The following TBC1D16 variants were observed in gnomAD, a reference collection of about 807,000 sequenced individuals.
TBC1D16 encodes TBC1 domain family member 16.
A neutral mutation model predicts 74.7 loss-of-function variants in TBC1D16; 58 were observed. That is an observed-to-expected ratio of 0.78 (90% confidence interval 0.63 to 0.97). The LOEUF is 0.97. Among genes scored for constraint, TBC1D16 ranks in the 50% least tolerant of loss-of-function variants. The pLI is 0.00. For synonymous variants in TBC1D16, 493 were observed against 474.7 expected (o/e 1.04, Z -0.50); for missense variants, 1,014 against 1,079.5 (o/e 0.94, Z 0.85).
intron 10 of TBC1D16, chr17:79,943,719 G>A (rs1191771023): frequency 6.4e-6 from 5 of 781,802 alleles, no homozygotes; most frequent in African/African-American, 5.6e-5. Flanking sequence ...TGGGCCTCCC[G>A]CTGGAATTCT....
Position 79,983,679 on chromosome 17 carries a change from TG to T in TBC1D16, c.779+26480del, listed in dbSNP as rs2034689084. Among the ~76,000 whole-genome samples the T allele has an allele frequency of 6.6e-6, 1 of 152,144 alleles. No individual in the cohort carries two copies. Among genetic ancestry groups the T allele is most frequent in the South Asian group, 2.1e-4 (1 of 4,830 alleles). ...GTGCCGCCCACGGCATTCCGGAAGGTGGTTCCTTCTGGAGACCGGGGCACGG... is the reference window on the plus strand; with the variant it reads ...GTGCCGCCCACGGCATTCCGGAAGGTGTTCCTTCTGGAGACCGGGGCACGG... On this transcript the variant is annotated intron_variant, in intron 3 of 11. Coordinates refer to ENST00000310924, the MANE Select transcript of TBC1D16 (RefSeq NM_019020.4). This position sits in a 1 kb window ranked among gnomAD's most constrained non-coding sequence, Gnocchi z 5.6.
Position 79,941,425 on chromosome 17 carries a change from C to T in TBC1D16, c.2056-318G>A, listed in dbSNP as rs1021483910. ...CCAACACCAGCACAGGGCCGGGTGG[C>T]GTCCAGCCAAGCCCACCTGTCCCTT... is the stretch of plus-strand genomic sequence containing the variant. On this transcript the variant is annotated intron_variant, in intron 11 of 11. Coordinates refer to ENST00000310924, the MANE Select transcript of TBC1D16 (RefSeq NM_019020.4). The surrounding 1 kb of genome is among the most constrained non-coding windows in gnomAD (Gnocchi z 4.3). Among the ~76,000 whole-genome samples the T allele has an allele frequency of 1.3e-5, 2 of 152,160 alleles. No individual in the cohort carries two copies. Among genetic ancestry groups the T allele is most frequent in the Non-Finnish European group, 2.9e-5 (2 of 68,028 alleles).
intron 3 of TBC1D16, among the ~76,000 whole-genome samples, chr17:80,002,529 C>A: frequency 6.6e-6 from 1 of 152,168 alleles, no homozygotes; most frequent in East Asian, 1.9e-4. Flanking sequence ...ACAGGGGCCA[C>A]CCTGAGGGAG....
chr17:79,950,830 C>T lies in TBC1D16; in HGVS notation c.1090-252G>A, dbSNP rs532126831. On this transcript the variant is annotated intron_variant, in intron 5 of 11. Transcript: ENST00000310924. This position sits in a 1 kb window ranked among gnomAD's most constrained non-coding sequence, Gnocchi z 4.6. ...CTGTGCCGCCGCCCCCCACTCTCTC[C>T]AACCCCAGCCGCAAAAACGGAATGA... is the stretch of plus-strand genomic sequence containing the variant. 1.0e-4 allele frequency: 153 copies of T among 1,529,968 alleles called. No individual in the cohort carries two copies. In the African/African-American group the frequency reaches 1.8e-3, roughly 18 times the overall value. The allele number at this position is 1,529,968 out of a possible 1,614,324, so 94.8% of individuals were successfully genotyped here. A position where few individuals can be genotyped will look rare whatever the true frequency, so the allele number is the denominator to read the frequency against.
intron 1 of TBC1D16, among the ~76,000 whole-genome samples, chr17:80,021,546 T>C (rs1180109287): frequency 6.7e-6 from 1 of 149,778 alleles, no homozygotes; most frequent in Non-Finnish European, 1.5e-5. Flanking sequence ...TTATTTTTAA[T>C]ACAGAGATTA....
intron 3 of TBC1D16, among the ~76,000 whole-genome samples, chr17:79,968,085 T>G (rs1275370955): frequency 1.3e-5 from 2 of 151,676 alleles, no homozygotes; most frequent in Non-Finnish European, 2.9e-5. Context: ...CTCCGCCTCC[T>G]GAGTTCAAGG....
intron 10 of TBC1D16, among the ~76,000 whole-genome samples, chr17:79,942,915 G>T (rs2032154567): frequency 6.6e-6 from 1 of 152,250 alleles, no homozygotes; most frequent in African/African-American, 2.4e-5. Context: ...GCAACGCGCT[G>T]TGTGCAGCAG....
Position 79,998,815 on chromosome 17 carries a change from G to A in TBC1D16, c.779+11345C>T, listed in dbSNP as rs371048690. 2.0e-3 allele frequency among the ~76,000 whole-genome samples: 297 copies of A among 152,244 alleles called. 11 individuals carry two copies. The South Asian group carries it at 0.055, about 28-fold the overall frequency. ...TATCCTGACTGCTTCCACCGCGCCC[G>A]TATGAATGAAGTGGTTACAAACACC... On this transcript the variant is annotated intron_variant, in intron 3 of 11. Coordinates refer to ENST00000310924, the MANE Select transcript of TBC1D16 (RefSeq NM_019020.4).
chr17:80,003,321 C>A (rs1349210974), intron 3 of TBC1D16, among the ~76,000 whole-genome samples: 1 of 152,222 alleles, frequency 6.6e-6, no homozygotes, highest in African/African-American at 2.4e-5. Flanking sequence ...ACCATCTTGC[C>A]TAGGCTGGCC....
chr17:80,024,832 C>T (rs62647779), intron 1 of TBC1D16, among the ~76,000 whole-genome samples: 145,031 of 147,362 alleles, frequency 0.98, 71,485 homozygotes, highest in Middle Eastern at 0.99. Context: ...ACACGCACTA[C>T]ATACACACCG....
At chr17:80,025,128 C>CACAA (rs1291091484) in intron 1 of TBC1D16, among the ~76,000 whole-genome samples, 5 of 76,282 alleles carry the variant, frequency 6.6e-5, no homozygotes, top group Non-Finnish European at 1.3e-4. Flanking sequence ...CAGACACACA[C>CACAA]ACACCATAGG....
chr17:80,011,165 C>T (rs1437533303), intron 2 of TBC1D16, among the ~76,000 whole-genome samples: 3 of 151,800 alleles, frequency 2.0e-5, no homozygotes, highest in Admixed American at 2.0e-4. Context: ...CCTCAGCTCC[C>T]GAGTAGCTGG....
rs185484199 is a variant in TBC1D16, at chr17:79,979,267, C to T, written c.780-26449G>A. On this transcript the variant is annotated intron_variant, in intron 3 of 11. Coordinates refer to ENST00000310924, the MANE Select transcript of TBC1D16 (RefSeq NM_019020.4). The surrounding 1 kb of genome is among the most constrained non-coding windows in gnomAD (Gnocchi z 4.8). ...CACACACGCTCCGGGGATGCACACC[C>T]ACGCCCAGAGCACACGCGCTCCGGG... Among the ~76,000 whole-genome samples, 246 of 151,184 alleles carry T rather than the reference C, an allele frequency of 1.6e-3. 2 individuals carry two copies. The highest frequency in any genetic ancestry group is 0.01 in the Middle Eastern group (3 of 292).
intron 3 of TBC1D16, among the ~76,000 whole-genome samples, chr17:79,964,634 C>T (rs190991147): frequency 2.0e-5 from 3 of 152,214 alleles, no homozygotes; most frequent in Admixed American, 6.5e-5. Context: ...ACTTTAAACA[C>T]GTGCAGTTGA....
At chr17:80,023,642 G>C (rs1442009386) in intron 1 of TBC1D16, among the ~76,000 whole-genome samples, 1 of 144,444 alleles carries the variant, frequency 6.9e-6, no homozygotes, top group Non-Finnish European at 1.5e-5. Flanking sequence ...GGCCAGGAGC[G>C]AGAACTGCTG....
intron 3 of TBC1D16, among the ~76,000 whole-genome samples, chr17:79,984,872 C>T (rs958334115): frequency 6.6e-6 from 1 of 152,022 alleles, no homozygotes; most frequent in Non-Finnish European, 1.5e-5. Flanking sequence ...GGTCCTAAGG[C>T]CTCCCTCTGG....
Position 80,009,300 on chromosome 17 carries a change from G to T in TBC1D16, c.779+860C>A, listed in dbSNP as rs1452171360. ...AATGAGCGTAAGGACCACAGCCGGG[G>T]CATAGGAAGGGGCTGTGGAAGTCGG... On this transcript the variant is annotated intron_variant, in intron 3 of 11. Transcript: ENST00000310924. The surrounding 1 kb of genome is among the most constrained non-coding windows in gnomAD (Gnocchi z 5.4). 1.3e-5 allele frequency among the ~76,000 whole-genome samples: 2 copies of T among 152,230 alleles called. No homozygotes were observed. The highest frequency in any genetic ancestry group is 2.9e-5 in the Non-Finnish European group (2 of 68,030).
chr17:79,981,393 G>A lies in TBC1D16; in HGVS notation c.780-28575C>T, dbSNP rs778145630. On this transcript the variant is annotated intron_variant, in intron 3 of 11. Transcript: ENST00000310924. This position sits in a 1 kb window ranked among gnomAD's most constrained non-coding sequence, Gnocchi z 6.9. ...CGGGCCCTGCTGGGAGAAGGCCTCG[G>A]GCCTCCACCTCCAGCAATCCTCTAA... Among the ~76,000 whole-genome samples the A allele has an allele frequency of 1.3e-5, 2 of 152,156 alleles. No homozygotes were observed. Among genetic ancestry groups the A allele is most frequent in the South Asian group, 2.1e-4 (1 of 4,826 alleles).
rs2035464378 is a variant in TBC1D16, at chr17:80,001,002, C to A, written c.779+9158G>T. Among the ~76,000 whole-genome samples the A allele has an allele frequency of 6.6e-6, 1 of 152,244 alleles. No homozygotes were observed. ...TCCCAGTCGAATTCTTTGGCAGCCC[C>A]TCCAAGCTCCCAGAGCTGAGGGGCA... is the stretch of plus-strand genomic sequence containing the variant. On this transcript the variant is annotated intron_variant, in intron 3 of 11. Transcript: ENST00000310924. The surrounding 1 kb of genome is among the most constrained non-coding windows in gnomAD (Gnocchi z 5.8).
Sources: gnomAD v4.1 joint callset for allele counts (sites outside exome capture counted in the v4.1 genomes callset) on GRCh38, gnomAD v4.1.1 for gene constraint, Gnocchi (gnomAD v3.1) non-coding constraint, MANE v1.5 for transcripts, NCBI Gene and HGNC (gene_info 2026-07-23, HGNC 2026-07-21) for gene names.